The following DSCAM variants were observed in gnomAD, a reference collection of about 807,000 sequenced individuals.
DSCAM encodes cell adhesion molecule DSCAM.
Under a neutral mutation model 217.7 loss-of-function variants are expected in DSCAM, and 47 were observed. The observed-to-expected ratio is 0.22, with a 90% CI of 0.17 to 0.28. The LOEUF (loss-of-function observed/expected upper bound fraction) is 0.28, where lower values mean the gene tolerates loss of function less well. Among genes scored for constraint, DSCAM ranks in the 10% least tolerant of loss-of-function variants. DSCAM has a pLI of 1.00. For missense variants in DSCAM, 2,080 were observed against 2,618.3 expected, an observed-to-expected ratio of 0.79 and a Z score of 4.49; for synonymous variants, 1,056 against 1,015.3, an observed-to-expected ratio of 1.04 and a Z score of -0.76.
At chr21:40,160,572 A>T (rs1387492244) in intron 16 of DSCAM, among the ~76,000 whole-genome samples, 3 of 152,198 alleles carry the variant, frequency 2.0e-5, no homozygotes, top group Non-Finnish European at 4.4e-5. Context: ...ACCATACACA[A>T]TTTTTGACCT....
chr21:40,786,977 C>A (rs1419696016), intron 1 of DSCAM, among the ~76,000 whole-genome samples: 1 of 152,166 alleles, frequency 6.6e-6, no homozygotes, highest in Non-Finnish European at 1.5e-5. Flanking sequence ...AACTGGGAAC[C>A]CAGCCCTGCC....
At chr21:40,274,667 G>A (rs901049603) in intron 11 of DSCAM, among the ~76,000 whole-genome samples, 4 of 152,096 alleles carry the variant, frequency 2.6e-5, no homozygotes, top group South Asian at 2.1e-4. Context: ...ACCACAATTC[G>A]TTATCAAATT....
chr21:40,780,433 A>ATATATC (rs2091533055), intron 1 of DSCAM, among the ~76,000 whole-genome samples: 2 of 140,122 alleles, frequency 1.4e-5, no homozygotes, highest in Non-Finnish European at 3.1e-5. Flanking sequence ...GTATATATAT[A>ATATATC]TATATATATA....
At chr21:40,377,745 C>A (rs369159965) in intron 3 of DSCAM, among the ~76,000 whole-genome samples, 1 of 151,782 alleles carries the variant, frequency 6.6e-6, no homozygotes, top group Non-Finnish European at 1.5e-5. Context: ...AAGAAAAGAC[C>A]CAGGAAAGGA....
intron 3 of DSCAM, among the ~76,000 whole-genome samples, chr21:40,483,041 T>C (rs2075995860): frequency 6.6e-6 from 1 of 152,240 alleles, no homozygotes; most frequent in African/African-American, 2.4e-5. Flanking sequence ...TCTGTGTCAG[T>C]GAAAGATCTC....
chr21:40,638,438 T>C (rs1271462846), intron 3 of DSCAM, among the ~76,000 whole-genome samples: 2 of 151,940 alleles, frequency 1.3e-5, no homozygotes, highest in Non-Finnish European at 2.9e-5. Flanking sequence ...TGCAAGACTA[T>C]AGCTTAAAAG....
At chr21:40,330,597 C>T (rs138332260) in intron 8 of DSCAM, among the ~76,000 whole-genome samples, 370 of 152,054 alleles carry the variant, frequency 2.4e-3, no homozygotes, top group African/African-American at 8.5e-3. Flanking sequence ...CCAGGACAAA[C>T]CTGTCTGAAG....
chr21:40,324,946 G>A (rs953714579), intron 8 of DSCAM, among the ~76,000 whole-genome samples: 3 of 152,142 alleles, frequency 2.0e-5, no homozygotes, highest in Non-Finnish European at 2.9e-5. Context: ...CAGAGGTGAC[G>A]ACAACCAGGC....
At chr21:40,716,344 C>G (rs551501573) in intron 1 of DSCAM, among the ~76,000 whole-genome samples, 32 of 152,218 alleles carry the variant, frequency 2.1e-4, no homozygotes, top group Middle Eastern at 3.4e-3. Flanking sequence ...ACATTTGCTT[C>G]CTCCAGTAAG....
chr21:40,030,419 TGGAAAGAATGGCCC>T (rs2146446477), intron 32 of DSCAM, among the ~76,000 whole-genome samples: 1 of 152,126 alleles, frequency 6.6e-6, no homozygotes, highest in Non-Finnish European at 1.5e-5. Flanking sequence ...GGGAGTATTT[TGGAAAGAATGGCCC>T]GGAAAGGCCT....
At chr21:40,387,291 G>A (rs1367666527) in intron 3 of DSCAM, among the ~76,000 whole-genome samples, 2 of 151,962 alleles carry the variant, frequency 1.3e-5, no homozygotes, top group Non-Finnish European at 2.9e-5. Context: ...GGAAATGGAA[G>A]GCTGTTAGTC....
chr21:40,022,613 C>G (rs577798106), intron 32 of DSCAM, among the ~76,000 whole-genome samples: 10 of 152,248 alleles, frequency 6.6e-5, no homozygotes, highest in Admixed American at 5.2e-4. Flanking sequence ...TCCATTGGCA[C>G]CCGCTGAGGC....
intron 1 of DSCAM, among the ~76,000 whole-genome samples, chr21:40,780,423 G>GTGTGTGTGTGTGTATATATATATATATA (rs1007015659): frequency 3.5e-5 from 2 of 56,414 alleles, no homozygotes; most frequent in African/African-American, 1.5e-4. Context: ...GTGTGTGTGT[G>GTGTGTGTGTGTGTATATATATATATATA]TATATATATA....
In DSCAM at chr21:40,317,324, CAAGT is replaced by C. The variant is rs1266223151; in HGVS notation, c.1784-4969_1784-4966del. ...AGTTCTCCACAATGTACATACAACA[CAAGT>C]AAGCGGTTCCTCTACTCACTCTTGT... On this transcript the variant is annotated intron_variant, in intron 8 of 32. Transcript: ENST00000400454. Among the ~76,000 whole-genome samples the C allele has an allele frequency of 5.3e-5, 8 of 152,320 alleles. No individual in the cohort carries two copies. In the East Asian group the frequency reaches 1.2e-3, roughly 22 times the overall value.
intron 11 of DSCAM, among the ~76,000 whole-genome samples, chr21:40,192,381 C>T (rs775736877): frequency 1.3e-5 from 2 of 152,110 alleles, no homozygotes; most frequent in Non-Finnish European, 2.9e-5. Flanking sequence ...ATGCTGGTCT[C>T]GTGATAGTGA....
intron 1 of DSCAM, among the ~76,000 whole-genome samples, chr21:40,796,874 AT>A (rs2091696057): frequency 6.6e-6 from 1 of 152,154 alleles, no homozygotes; most frequent in South Asian, 2.1e-4. Context: ...TTCCAATTCT[AT>A]TTTCCAGATT....
intron 3 of DSCAM, among the ~76,000 whole-genome samples, chr21:40,520,604 C>T (rs549527568): frequency 3.9e-5 from 6 of 151,996 alleles, no homozygotes; most frequent in East Asian, 1.9e-4. Flanking sequence ...ATCAGGAGTT[C>T]GAGACCAGCC....
chr21:40,483,713 T>C (rs2076002041), intron 3 of DSCAM, among the ~76,000 whole-genome samples: 1 of 152,190 alleles, frequency 6.6e-6, no homozygotes. Flanking sequence ...TTACTATTTG[T>C]CCATTTCAAG....
intron 2 of DSCAM, among the ~76,000 whole-genome samples, chr21:40,700,747 T>A (rs977217863): frequency 6.6e-6 from 1 of 151,378 alleles, no homozygotes; most frequent in African/African-American, 2.4e-5. Context: ...TTTTTTTTTT[T>A]TTTGAGATGG....
Sources: gnomAD v4.1 joint callset for allele counts (sites outside exome capture counted in the v4.1 genomes callset) on GRCh38, gnomAD v4.1.1 for gene constraint, MANE v1.5 for transcripts, NCBI Gene and HGNC (gene_info 2026-07-23, HGNC 2026-07-21) for gene names.